The following KLHL26 variants were observed in gnomAD, a reference collection of about 807,000 sequenced individuals.
The protein encoded by KLHL26 is kelch-like protein 26.
Under a neutral mutation model 7.1 loss-of-function variants are expected in KLHL26, and 4 were observed. That is an observed-to-expected ratio of 0.56 (90% CI 0.28 to 1.28). KLHL26 has a LOEUF of 1.28. Ranked by LOEUF, KLHL26 falls within the 50% of genes most tolerant of loss-of-function variation. KLHL26 has a pLI of 0.11. For synonymous variants in KLHL26, 465 were observed against 414.1 expected (o/e 1.12, Z -1.49); for missense variants, 896 against 924.6 (o/e 0.97, Z 0.40).
chr19:18,639,203 G>A (rs1346374621), intron 1 of KLHL26, among the ~76,000 whole-genome samples: 2 of 151,728 alleles, frequency 1.3e-5, no homozygotes, highest in Non-Finnish European at 2.9e-5. Flanking sequence ...AGCCTCCTGA[G>A]TAGCTGGGAC....
intron 1 of KLHL26, among the ~76,000 whole-genome samples, chr19:18,645,615 C>T (rs111599924): frequency 0.1 from 15,736 of 152,060 alleles, 1,072 homozygotes; most frequent in Non-Finnish European, 0.14. Flanking sequence ...AGTTTGAGAC[C>T]AGCCTGGCCA....
In KLHL26 at chr19:18,671,178, A is replaced by G. The variant is rs889800763; in HGVS notation, c.*1933A>G. On this transcript the variant is annotated 3_prime_UTR_variant, in exon 3 of 3. Coordinates refer to ENST00000300976, the MANE Select transcript of KLHL26 (RefSeq NM_018316.3). The stretch of plus-strand genomic sequence containing the variant: ...GAAGGGAGGCCCTGGGATATCACAC[A>G]CACATGGATCTCCATAAGTTGCTGT... 6.6e-6 allele frequency: 1 copy of G among 152,196 alleles called. No individual in the cohort carries two copies. The highest frequency in any genetic ancestry group is 2.4e-5 in the African/African-American group (1 of 41,426). The allele number at this position is 152,196 out of a possible 1,614,324, so 9.4% of individuals were successfully genotyped here.
intron 1 of KLHL26, among the ~76,000 whole-genome samples, chr19:18,639,106 T>C (rs4808145): frequency 0.71 from 107,625 of 151,738 alleles, 39,271 homozygotes; most frequent in African/African-American, 0.9. Flanking sequence ...GACAGAATCT[T>C]GCTCTGTCAC....
chr19:18,663,832 A>G (rs1600706794), intron 1 of KLHL26, among the ~76,000 whole-genome samples: 1 of 123,846 alleles, frequency 8.1e-6, no homozygotes. Flanking sequence ...GGGCTCGTAT[A>G]CTCTGGGGTG....
chr19:18,643,037 T>A (rs1213902186), intron 1 of KLHL26, among the ~76,000 whole-genome samples: 1 of 151,386 alleles, frequency 6.6e-6, no homozygotes, highest in East Asian at 2.0e-4. Flanking sequence ...TTTCACCATG[T>A]TGGCCAGGGT....
intron 1 of KLHL26, among the ~76,000 whole-genome samples, chr19:18,653,395 C>T (rs1448772727): frequency 1.4e-5 from 2 of 141,806 alleles, no homozygotes; most frequent in African/African-American, 5.3e-5. Context: ...TCCGCCCACC[C>T]ACCCACCTGC....
chr19:18,662,868 G>A (rs1259580451), intron 1 of KLHL26, among the ~76,000 whole-genome samples: 2 of 152,102 alleles, frequency 1.3e-5, no homozygotes, highest in East Asian at 1.9e-4. Flanking sequence ...GAGGAAGGGA[G>A]GAGGGGAGGT....
rs554856479 is a variant in KLHL26 at position 18,656,939 on chromosome 19, C to G, written c.84-7322C>G. On this transcript the variant is annotated intron_variant, in intron 1 of 2. Coordinates refer to ENST00000300976, the MANE Select transcript of KLHL26 (RefSeq NM_018316.3). The surrounding 1 kb of genome is among the most constrained non-coding windows in gnomAD (Gnocchi z 4.4). ...AGCTGCAGTCTCTGTCTCCCTGTCT[C>G]TGAGTCTCTGTCCCTCTCTCCCTGG... Among the ~76,000 whole-genome samples, 2 of 152,276 alleles carry G rather than the reference C, an allele frequency of 1.3e-5. No homozygotes were observed. Among genetic ancestry groups the G allele is most frequent in the Non-Finnish European group, 2.9e-5 (2 of 67,996 alleles).
At chr19:18,657,636 G>GC (rs1385677501) in intron 1 of KLHL26, among the ~76,000 whole-genome samples, 1 of 152,198 alleles carries the variant, frequency 6.6e-6, no homozygotes, top group Non-Finnish European at 1.5e-5. Flanking sequence ...GTCCTGGCCT[G>GC]CTGGGACACT....
At position 18,668,154 on chromosome 19, in the gene KLHL26, T is replaced by C; in HGVS notation, c.757T>C (p.Phe253Leu). Residue 253 changes from phenylalanine to leucine, a missense_variant, in exon 3 of 3, where the codon TTC (phenylalanine) becomes CTC (leucine). Transcript: ENST00000300976. ...CAGCCACGTGCTCTGCCACATTCGC[T>C]TCCCGCTCATGCAGTCGTCCGAGCT... is the stretch of plus-strand genomic sequence containing the variant. ...RASHVLCHIR[F>L]PLMQSSELVD... The C allele has an allele frequency of 6.2e-7, 1 of 1,607,974 alleles. No individual in the cohort carries two copies. Among genetic ancestry groups the C allele is most frequent in the African/African-American group, 1.3e-5 (1 of 75,042 alleles).
intron 1 of KLHL26, among the ~76,000 whole-genome samples, chr19:18,663,462 G>A (rs2052411974): frequency 6.6e-6 from 1 of 152,110 alleles, no homozygotes; most frequent in Non-Finnish European, 1.5e-5. Flanking sequence ...TGGGGCCAAG[G>A]AGCCTTCCGT....
intron 1 of KLHL26, among the ~76,000 whole-genome samples, chr19:18,645,515 A>G (rs1486259582): frequency 6.6e-6 from 1 of 152,046 alleles, no homozygotes; most frequent in Non-Finnish European, 1.5e-5. Flanking sequence ...AGGCATTTGC[A>G]TAAGAAGTGG....
rs2052491037 is a variant in KLHL26, at chr19:18,668,859, T to A, written c.1462T>A (p.Trp488Arg). The A allele has an allele frequency of 1.3e-6, 2 of 1,592,858 alleles. No homozygotes were observed. Among genetic ancestry groups the A allele is most frequent in the African/African-American group, 2.7e-5 (2 of 74,708 alleles). The change falls in exon 3 of 3, where the codon TGG (tryptophan) becomes AGG (arginine). Residue 488 changes from tryptophan (W) to arginine (R), a missense_variant. Trp to Arg is a moderately radical substitution (Grantham distance 101). Transcript: ENST00000300976. ...LHCYDPVADQ[W>R]EFKAPMSEPR... ...CTGCTACGACCCCGTGGCCGACCAGTGGGAGTTCAAGGCGCCCATGAGCGA... is the reference window on the plus strand; with the variant it reads ...CTGCTACGACCCCGTGGCCGACCAGAGGGAGTTCAAGGCGCCCATGAGCGA...
At chr19:18,638,844 GT>G (rs1976663312) in intron 1 of KLHL26, among the ~76,000 whole-genome samples, 1 of 152,032 alleles carries the variant, frequency 6.6e-6, no homozygotes, top group Admixed American at 6.6e-5. Flanking sequence ...GGGACTACAG[GT>G]GTGCACCACC....
At position 18,669,260 on chromosome 19, in the gene KLHL26, G is replaced by C. The variant is rs530530941; in HGVS notation, c.*15G>C. 11 of 1,597,132 alleles carry C rather than the reference G, an allele frequency of 6.9e-6. No individual in the cohort carries two copies. The South Asian group carries it at 7.7e-5, about 11-fold the overall frequency. The stretch of plus-strand genomic sequence containing the variant: ...CCAGGAGGTAGCCCCCAAGACCCCC[G>C]GGACCCTGGCCTGACCGCATGTTGT... On this transcript the variant is annotated 3_prime_UTR_variant, in exon 3 of 3. Coordinates refer to ENST00000300976, the MANE Select transcript of KLHL26 (RefSeq NM_018316.3).
At chr19:18,665,325 G>A (rs1201099877) in intron 2 of KLHL26, among the ~76,000 whole-genome samples, 3 of 152,082 alleles carry the variant, frequency 2.0e-5, no homozygotes, top group African/African-American at 7.2e-5. Context: ...CAAAGTGCTG[G>A]GATTACAGGC....
chr19:18,648,328 G>A lies in KLHL26; in HGVS notation c.83+11191G>A, dbSNP rs902539426. On this transcript the variant is annotated intron_variant, in intron 1 of 2. Transcript: ENST00000300976. This position sits in a 1 kb window ranked among gnomAD's most constrained non-coding sequence, Gnocchi z 4.9. ...AGATTGCACCACTGCACTCCAGCCT[G>A]GGCGACAAAGTGAGACTCTGTCTCA... Among the ~76,000 whole-genome samples the A allele has an allele frequency of 6.6e-6, 1 of 152,128 alleles. No homozygotes were observed. Among genetic ancestry groups the A allele is most frequent in the African/African-American group, 2.4e-5 (1 of 41,426 alleles).
chr19:18,652,720 A>G (rs527297986), intron 1 of KLHL26, among the ~76,000 whole-genome samples: 11 of 151,870 alleles, frequency 7.2e-5, no homozygotes, highest in Non-Finnish European at 1.5e-4. Context: ...CTCTGCCTCC[A>G]CAGCACCCCT....
chr19:18,643,744 C>T (rs1354109054), intron 1 of KLHL26, among the ~76,000 whole-genome samples: 6 of 151,962 alleles, frequency 3.9e-5, no homozygotes, highest in African/African-American at 1.5e-4. Flanking sequence ...TCCTAAAGTG[C>T]TGCGATTACA....
Sources: allele counts gnomAD v4.1 joint callset (sites outside exome capture counted in the v4.1 genomes callset), GRCh38; gene constraint gnomAD v4.1.1; non-coding constraint Gnocchi (gnomAD v3.1); transcripts MANE v1.5; gene names NCBI Gene and HGNC (gene_info 2026-07-23, HGNC 2026-07-21).